The following GRID2 variants were observed in gnomAD, a reference collection of about 807,000 sequenced individuals.
The protein encoded by GRID2 is glutamate receptor ionotropic, delta-2.
Under a neutral mutation model 114.8 loss-of-function variants are expected in GRID2, and 33 were observed. The ratio of observed to expected loss-of-function variants is 0.29; its 90% CI spans 0.22 to 0.38. The LOEUF is 0.38. Ranked by LOEUF, GRID2 falls within the 10% of genes least tolerant of loss-of-function variation. The pLI, the probability that GRID2 is intolerant of heterozygous loss-of-function variation, is 1.00. For missense variants in GRID2, 1,184 were observed against 1,257.7 expected (o/e 0.94, Z 0.89); for synonymous variants, 505 against 449.9 (o/e 1.12, Z -1.55).
chr4:92,865,058 C>G (rs1047447941), intron 2 of GRID2, among the ~76,000 whole-genome samples: 8 of 152,058 alleles, frequency 5.3e-5, no homozygotes, highest in Admixed American at 5.2e-4. Flanking sequence ...AATATAGAAG[C>G]TAAAGGTATA....
At chr4:93,614,355 A>G (rs1186997285) in intron 13 of GRID2, among the ~76,000 whole-genome samples, 1 of 152,206 alleles carries the variant, frequency 6.6e-6, no homozygotes, top group African/African-American at 2.4e-5. Context: ...ATTATTATTT[A>G]GAGTACAAAA....
At chr4:92,864,993 C>T (rs955851514) in intron 2 of GRID2, among the ~76,000 whole-genome samples, 1 of 152,102 alleles carries the variant, frequency 6.6e-6, no homozygotes, top group East Asian at 1.9e-4. Flanking sequence ...ACTTCATTAT[C>T]CAGTGATTTT....
At chr4:92,511,339 T>A (rs1724236193) in intron 1 of GRID2, among the ~76,000 whole-genome samples, 1 of 151,726 alleles carries the variant, frequency 6.6e-6, no homozygotes, top group Non-Finnish European at 1.5e-5. Flanking sequence ...ATGGCACTAA[T>A]CCGTTCATGA....
intron 10 of GRID2, among the ~76,000 whole-genome samples, chr4:93,442,097 T>G (rs922722038): frequency 6.6e-6 from 1 of 152,084 alleles, no homozygotes; most frequent in African/African-American, 2.4e-5. Flanking sequence ...ACAAAGAGCT[T>G]ACATTCCCCT....
At chr4:92,819,925 T>C (rs531695456) in intron 2 of GRID2, among the ~76,000 whole-genome samples, 404 of 152,292 alleles carry the variant, frequency 2.7e-3, no homozygotes, top group Non-Finnish European at 5.0e-3. Context: ...AGAATTATAA[T>C]GTGCTTTCTT....
chr4:93,443,929 A>T (rs1462937763), intron 10 of GRID2, among the ~76,000 whole-genome samples: 2 of 151,940 alleles, frequency 1.3e-5, no homozygotes, highest in Admixed American at 1.3e-4. Context: ...TCTTTCTTGG[A>T]GAACATTTTT....
At chr4:92,777,989 A>G (rs1040490805) in intron 2 of GRID2, among the ~76,000 whole-genome samples, 5 of 152,096 alleles carry the variant, frequency 3.3e-5, no homozygotes, top group Admixed American at 3.3e-4. Context: ...TAGAGTAACT[A>G]ATCAGTTTCC....
intron 13 of GRID2, among the ~76,000 whole-genome samples, chr4:93,611,587 AG>A (rs2149663673): frequency 7.1e-6 from 1 of 141,130 alleles, no homozygotes; most frequent in African/African-American, 2.9e-5. Context: ...GTAGTCATTC[AG>A]GAGCAGGTTG....
chr4:93,332,289 T>TGA (rs1242670317), intron 8 of GRID2, among the ~76,000 whole-genome samples: 19 of 110,766 alleles, frequency 1.7e-4, no homozygotes, highest in African/African-American at 8.6e-4. Flanking sequence ...TGTGTGTGTG[T>TGA]GTGTGTGTGT....
chr4:93,449,518 A>C (rs774418153), intron 10 of GRID2, among the ~76,000 whole-genome samples: 1 of 152,232 alleles, frequency 6.6e-6, no homozygotes, highest in Non-Finnish European at 1.5e-5. Context: ...TTAAAATAGC[A>C]GTTCATGTTT....
chr4:93,567,983 T>G (rs951144959), intron 13 of GRID2, among the ~76,000 whole-genome samples: 1 of 152,218 alleles, frequency 6.6e-6, no homozygotes, highest in Admixed American at 6.5e-5. Context: ...CATACACTTA[T>G]GAAATCCTTT....
chr4:92,892,401 A>C (rs1157010179), intron 2 of GRID2, among the ~76,000 whole-genome samples: 1 of 152,166 alleles, frequency 6.6e-6, no homozygotes, highest in East Asian at 1.9e-4. Context: ...TTCATTGTTA[A>C]AAAAAATTGA....
chr4:92,980,588 T>C (rs1017872860), intron 2 of GRID2, among the ~76,000 whole-genome samples: 2 of 152,098 alleles, frequency 1.3e-5, no homozygotes, highest in Non-Finnish European at 2.9e-5. Flanking sequence ...ATTTATCAAT[T>C]ACCCTCTGTA....
intron 1 of GRID2, among the ~76,000 whole-genome samples, chr4:92,497,822 T>G (rs1723469893): frequency 6.6e-6 from 1 of 151,898 alleles, no homozygotes; most frequent in Non-Finnish European, 1.5e-5. Context: ...ATATATAAAT[T>G]TAGTACATAT....
intron 2 of GRID2, among the ~76,000 whole-genome samples, chr4:92,763,520 T>A (rs1738119598): frequency 6.6e-6 from 1 of 152,120 alleles, no homozygotes; most frequent in Admixed American, 6.5e-5. Flanking sequence ...TTACACAACA[T>A]TAGGTATTGC....
At chr4:93,624,423 G>T (rs1411366525) in intron 13 of GRID2, among the ~76,000 whole-genome samples, 1 of 152,078 alleles carries the variant, frequency 6.6e-6, no homozygotes, top group African/African-American at 2.4e-5. Context: ...TAATGGCAAT[G>T]CAAAGAGAGT....
At chr4:93,026,417 T>C (rs191749804) in intron 2 of GRID2, among the ~76,000 whole-genome samples, 349 of 152,044 alleles carry the variant, frequency 2.3e-3, no homozygotes, top group Non-Finnish European at 3.3e-3. Flanking sequence ...GAATGAATTA[T>C]ATCGGAAACA....
intron 2 of GRID2, among the ~76,000 whole-genome samples, chr4:92,857,240 G>T (rs996872272): frequency 2.0e-5 from 3 of 152,146 alleles, no homozygotes; most frequent in Non-Finnish European, 4.4e-5. Context: ...GAGAGGAAGA[G>T]TCATACATCT....
At chr4:92,404,075 A>G (rs1189061532) in intron 1 of GRID2, among the ~76,000 whole-genome samples, 1 of 152,210 alleles carries the variant, frequency 6.6e-6, no homozygotes, top group South Asian at 2.1e-4. Flanking sequence ...ACATGAAGTG[A>G]ACACAAGCTG....
Sources: gnomAD v4.1 joint callset for allele counts (sites outside exome capture counted in the v4.1 genomes callset) on GRCh38, gnomAD v4.1.1 for gene constraint, MANE v1.5 for transcripts, NCBI Gene and HGNC (gene_info 2026-07-23, HGNC 2026-07-21) for gene names.